The following EDEM3 variants were observed in gnomAD, a reference collection of about 807,000 sequenced individuals.
The protein encoded by EDEM3 is ER degradation enhancing alpha-mannosidase like protein 3, also known as ER degradation-enhancing alpha-mannosidase-like protein 3.
In EDEM3, 60 loss-of-function variants were observed where a neutral mutation model predicts 110.2. The observed-to-expected ratio is 0.54, with a 90% CI of 0.44 to 0.67. The LOEUF (loss-of-function observed/expected upper bound fraction) is 0.67, where lower values mean the gene tolerates loss of function less well. EDEM3 is among the 30% of genes least tolerant of loss of function. The probability of loss-of-function intolerance (pLI) is 0.00; values close to 1 mark genes in which losing one functional copy is unlikely to be tolerated. For synonymous variants in EDEM3, 352 were observed against 382.9 expected (o/e 0.92, Z 0.94); for missense variants, 996 against 1,121.0 (o/e 0.89, Z 1.59).
chr1:184,735,418 CA>C (rs1231523395), intron 4 of EDEM3, among the ~76,000 whole-genome samples: 1 of 152,118 alleles, frequency 6.6e-6, no homozygotes, highest in African/African-American at 2.4e-5. Flanking sequence ...CAATGAGCAG[CA>C]AAAGTAGTCC....
chr1:184,754,291 G>A (rs1026134348), intron 1 of EDEM3, among the ~76,000 whole-genome samples, 198 bp downstream of exon 1: 1 of 152,108 alleles, frequency 6.6e-6, no homozygotes, highest in Non-Finnish European at 1.5e-5. Context: ...GCGACACCCC[G>A]TCAGCTCCCC....
chr1:184,751,818 A>C (rs1652783703), intron 1 of EDEM3, among the ~76,000 whole-genome samples: 1 of 152,044 alleles, frequency 6.6e-6, no homozygotes, highest in Non-Finnish European at 1.5e-5. Flanking sequence ...CAATGGCACG[A>C]TCTCTGCTCG....
chr1:184,723,858 T>C lies in EDEM3; in HGVS notation c.748-2A>G. 2.8e-6 allele frequency: 4 copies of C among 1,422,676 alleles called. No individual in the cohort carries two copies. Among genetic ancestry groups the C allele is most frequent in the Non-Finnish European group, 3.7e-6 (4 of 1,088,578 alleles). 88.1% of individuals were successfully genotyped at this position (1,422,676 alleles called of 1,614,324 possible). On this transcript the variant is annotated splice_acceptor_variant, in intron 7 of 19. Coordinates refer to ENST00000318130, the MANE Select transcript of EDEM3 (RefSeq NM_025191.4). LOFTEE classifies it high-confidence loss of function. ...ATCAAGAGCTTTTCTGGCATATTCCTGTAATTTAAAAAAAAAAAAAAAAAA... is the reference window on the plus strand; with the variant it reads ...ATCAAGAGCTTTTCTGGCATATTCCCGTAATTTAAAAAAAAAAAAAAAAAA...
intron 2 of EDEM3, among the ~76,000 whole-genome samples, chr1:184,747,280 TGA>T (rs1652483677): frequency 6.6e-6 from 1 of 152,224 alleles, no homozygotes; most frequent in Non-Finnish European, 1.5e-5. Flanking sequence ...TGTAAATAGC[TGA>T]GACAGGATTT....
intron 15 of EDEM3, 47 bp downstream of exon 15, chr1:184,711,676 C>T: frequency 1.3e-6 from 2 of 1,503,836 alleles, no homozygotes; most frequent in South Asian, 1.4e-5. Context: ...CTGTCATTTA[C>T]TAAGAAACAA....
rs1653008166 is a variant in EDEM3 at position 184,754,795 on chromosome 1, A to T, written c.-149T>A. On this transcript the variant is annotated 5_prime_UTR_variant, in exon 1 of 20. Coordinates refer to ENST00000318130, the MANE Select transcript of EDEM3 (RefSeq NM_025191.4). ...GCCGCCGGCGCCAAACTGTTTCCCG[A>T]AGCCACCAAGCCGGTCCCCAGCGCC... 7.9e-7 allele frequency: 1 copy of T among 1,273,252 alleles called. No individual in the cohort carries two copies. Among genetic ancestry groups the T allele is most frequent in the African/African-American group, 1.6e-5 (1 of 63,032 alleles). 78.9% of individuals were successfully genotyped at this position (1,273,252 alleles called of 1,614,324 possible).
chr1:184,754,283 G>A (rs1458096477), intron 1 of EDEM3, among the ~76,000 whole-genome samples: 1 of 152,096 alleles, frequency 6.6e-6, no homozygotes, highest in Non-Finnish European at 1.5e-5. Flanking sequence ...CGGCCAGGGC[G>A]ACACCCCGTC....
chr1:184,697,001 G>A (rs1192070500), intron 19 of EDEM3, among the ~76,000 whole-genome samples: 2 of 151,720 alleles, frequency 1.3e-5, no homozygotes, highest in East Asian at 1.9e-4. Flanking sequence ...GATTGTGATC[G>A]TACACTGTCA....
intron 2 of EDEM3, among the ~76,000 whole-genome samples, chr1:184,745,863 G>A (rs1300347926): frequency 6.6e-6 from 1 of 152,146 alleles, no homozygotes; most frequent in East Asian, 1.9e-4. Flanking sequence ...AACACAGACA[G>A]GAAAAACACT....
At chr1:184,749,397 C>A (rs1045363454) in intron 2 of EDEM3, 150 bp downstream of exon 2, 2 of 609,114 alleles carry the variant, frequency 3.3e-6, no homozygotes, top group South Asian at 2.1e-5. Flanking sequence ...CCCTAAAAAC[C>A]ACTACCAGAA....
chr1:184,744,929 G>A lies in EDEM3; in HGVS notation c.204+4618C>T, dbSNP rs138281207. On this transcript the variant is annotated intron_variant, in intron 2 of 19. Transcript: ENST00000318130. ...ATGAAATCCTAGGAAAGAGAAAGGT[G>A]TAGTGACAAAACACAAATCAAGGTT... 4.2e-3 allele frequency among the ~76,000 whole-genome samples: 634 copies of A among 152,204 alleles called. 5 individuals carry two copies. The highest frequency in any genetic ancestry group is 0.036 in the East Asian group (185 of 5,188).
At chr1:184,732,355 C>T (rs1399573274) in intron 6 of EDEM3, among the ~76,000 whole-genome samples, 4 of 151,910 alleles carry the variant, frequency 2.6e-5, no homozygotes, top group Non-Finnish European at 5.9e-5. Context: ...GGATGGTTAA[C>T]GGGTATAGAA....
At chr1:184,703,127 T>A in intron 18 of EDEM3, 131 bp from the exon 19 acceptor site, 1 of 746,706 alleles carries the variant, frequency 1.3e-6, no homozygotes, top group Non-Finnish European at 2.0e-6. Context: ...ACCAACATAA[T>A]TTTTGGACCC....
chr1:184,717,101 C>G, intron 12 of EDEM3, 89 bp from the exon 13 acceptor site: 4 of 1,118,548 alleles, frequency 3.6e-6, no homozygotes, highest in Non-Finnish European at 5.0e-6. Context: ...TGAGTACCTA[C>G]TAGGTGCCAG....
Position 184,694,286 on chromosome 1 carries a change from G to T in EDEM3, c.2576C>A (p.Ser859Tyr). The T allele has an allele frequency of 6.2e-7, 1 of 1,613,264 alleles. No homozygotes were observed. The highest frequency in any genetic ancestry group is 1.7e-4 in the Middle Eastern group (1 of 6,054). Residue 859 changes from serine (S) to tyrosine (Y), a missense_variant, in exon 20 of 20, where the codon TCC becomes TAC. Transcript: ENST00000318130. ...LADMDNAASI[S>Y]PSEQTSNPTE... is the part of the protein sequence containing the mutation. ...GGGATTAGAAGTCTGTTCAGAAGGG[G>T]AAATGCTTGCAGCATTGTCCATATC...
Position 184,693,957 on chromosome 1 carries a change from T to G in EDEM3, c.*106A>C. On this transcript the variant is annotated 3_prime_UTR_variant, in exon 20 of 20. Transcript: ENST00000318130. Reference sequence around the variant, plus strand: ...GTCAGAACGTGGTTGTTCATCACCATACTTAAAGCCTCCCATTAGAAAGCC... The same window carrying G: ...GTCAGAACGTGGTTGTTCATCACCAGACTTAAAGCCTCCCATTAGAAAGCC... The G allele has an allele frequency of 1.7e-6, 2 of 1,207,326 alleles. No homozygotes were observed. Among genetic ancestry groups the G allele is most frequent in the Non-Finnish European group, 2.3e-6 (2 of 866,158 alleles). 74.8% of individuals were successfully genotyped at this position (1,207,326 alleles called of 1,614,324 possible).
intron 2 of EDEM3, among the ~76,000 whole-genome samples, chr1:184,745,283 G>A (rs937845590): frequency 3.3e-5 from 5 of 151,920 alleles, no homozygotes; most frequent in African/African-American, 1.2e-4. Context: ...AAAGGCCAAG[G>A]AACAATGACT....
chr1:184,748,251 A>T (rs1182523375), intron 2 of EDEM3, among the ~76,000 whole-genome samples: 1 of 151,656 alleles, frequency 6.6e-6, no homozygotes, highest in African/African-American at 2.4e-5. Flanking sequence ...GTTCGAGACC[A>T]GCCTGGCCAA....
intron 2 of EDEM3, among the ~76,000 whole-genome samples, chr1:184,745,942 G>C (rs1652407544): frequency 6.6e-6 from 1 of 152,172 alleles, no homozygotes; most frequent in South Asian, 2.1e-4. Flanking sequence ...AAATTAATCT[G>C]CAAACTAAAC....
Sources: gnomAD v4.1 joint callset for allele counts (sites outside exome capture counted in the v4.1 genomes callset) on GRCh38, gnomAD v4.1.1 for gene constraint, MANE v1.5 for transcripts, NCBI Gene and HGNC (gene_info 2026-07-23, HGNC 2026-07-21) for gene names.